Variants in BICD1 observed in about 807,000 individuals in gnomAD.
BICD1 encodes the protein BICD cargo adaptor 1.
A neutral mutation model predicts 92.5 loss-of-function variants in BICD1; 35 were observed. The observed-to-expected ratio is 0.38, with a 90% CI of 0.29 to 0.50. The LOEUF (loss-of-function observed/expected upper bound fraction) is 0.50. Ranked by LOEUF, BICD1 falls within the 20% of genes least tolerant of loss-of-function variation. The pLI is 0.93. For synonymous variants in BICD1, 429 were observed against 465.1 expected (o/e 0.92, Z 1.00); for missense variants, 950 against 1,189.8 (o/e 0.80, Z 2.97).
chr12:32,370,017 G>T (rs1447266747), intron 9 of BICD1, among the ~76,000 whole-genome samples: 1 of 152,184 alleles, frequency 6.6e-6, no homozygotes, highest in Non-Finnish European at 1.5e-5. Context: ...CAGCAACAGG[G>T]CTTTAAGAAA....
At position 32,244,273 on chromosome 12, in the gene BICD1, G is replaced by A. The variant is rs114791478; in HGVS notation, c.426+27814G>A. Among the ~76,000 whole-genome samples the A allele has an allele frequency of 1.0e-2, 1,520 of 152,190 alleles. 20 individuals carry two copies. Among genetic ancestry groups the A allele is most frequent in the African/African-American group, 0.027 (1,137 of 41,502 alleles). Reference sequence around the variant, plus strand: ...TCTGCTAATAGGTGCTCAGTATGACGGAGCTTTTCTTGAGGACCATTTGAC... The same window carrying A: ...TCTGCTAATAGGTGCTCAGTATGACAGAGCTTTTCTTGAGGACCATTTGAC... On this transcript the variant is annotated intron_variant, in intron 2 of 9. Coordinates refer to ENST00000652176, the MANE Select transcript of BICD1 (RefSeq NM_001714.4).
chr12:32,161,704 AT>A (rs973183217), intron 1 of BICD1, among the ~76,000 whole-genome samples: 1 of 152,208 alleles, frequency 6.6e-6, no homozygotes, highest in African/African-American at 2.4e-5. Flanking sequence ...AATTGAATTC[AT>A]ATAGTTATTT....
intron 4 of BICD1, among the ~76,000 whole-genome samples, chr12:32,317,232 TG>T: frequency 6.6e-6 from 1 of 152,342 alleles, no homozygotes; most frequent in East Asian, 1.9e-4. Context: ...AGTAATGGGA[TG>T]GCTGGGTCAA....
rs1265439959 is a variant in BICD1, at chr12:32,277,625, C to G, written c.427-16369C>G. On this transcript the variant is annotated intron_variant, in intron 2 of 9. Coordinates refer to ENST00000652176, the MANE Select transcript of BICD1 (RefSeq NM_001714.4). ...AGGTACCCTGTTAAAGCTTCAAAGACTCTGGATCAGAATGATCTCTGCTAT... is the reference window on the plus strand; with the variant it reads ...AGGTACCCTGTTAAAGCTTCAAAGAGTCTGGATCAGAATGATCTCTGCTAT... Among the ~76,000 whole-genome samples, 4 of 152,308 alleles carry G rather than the reference C, an allele frequency of 2.6e-5. No individual in the cohort carries two copies. In the East Asian group the frequency reaches 7.7e-4, roughly 29 times the overall value.
At chr12:32,218,581 G>A (rs948476615) in intron 2 of BICD1, among the ~76,000 whole-genome samples, 1 of 152,196 alleles carries the variant, frequency 6.6e-6, no homozygotes, top group Non-Finnish European at 1.5e-5. Flanking sequence ...AAATCAATTG[G>A]TTGTGATTCT....
Position 32,113,479 on chromosome 12 carries a change from T to C in BICD1, c.213+5935T>C, listed in dbSNP as rs76747390. Among the ~76,000 whole-genome samples, 100 of 152,060 alleles carry C rather than the reference T, an allele frequency of 6.6e-4. 1 individual carries two copies. In the East Asian group the frequency reaches 0.018, roughly 27 times the overall value. On this transcript the variant is annotated intron_variant, in intron 1 of 9. Transcript: ENST00000652176. ...TCACCGCAACCTTAACTAACCATCC[T>C]GGCTCAAGTGATCCTCCCATCTCAG... is the stretch of plus-strand genomic sequence containing the variant.
At chr12:32,229,340 A>G (rs1945799807) in intron 2 of BICD1, among the ~76,000 whole-genome samples, 1 of 152,180 alleles carries the variant, frequency 6.6e-6, no homozygotes, top group African/African-American at 2.4e-5. Flanking sequence ...CCAAGGGCAG[A>G]TATGTAGAGA....
rs78032128 is a variant in BICD1, at chr12:32,164,392, T to A, written c.214-51855T>A. The stretch of plus-strand genomic sequence containing the variant: ...ACTTAAAAATCAGTTCTTTCCACCC[T>A]GTAAACTGAAAATAAATCAGAATAT... On this transcript the variant is annotated intron_variant, in intron 1 of 9. Coordinates refer to ENST00000652176, the MANE Select transcript of BICD1 (RefSeq NM_001714.4). Among the ~76,000 whole-genome samples the A allele has an allele frequency of 2.1e-3, 318 of 152,336 alleles. 2 individuals carry two copies. Among genetic ancestry groups the A allele is most frequent in the African/African-American group, 7.3e-3 (305 of 41,578 alleles).
At chr12:32,304,146 G>C (rs1377379928) in intron 3 of BICD1, among the ~76,000 whole-genome samples, 3 of 152,094 alleles carry the variant, frequency 2.0e-5, no homozygotes, top group Non-Finnish European at 4.4e-5. Flanking sequence ...CATCAGCCAG[G>C]CTACATCCCA....
At chr12:32,295,445 A>G (rs1182029744) in intron 3 of BICD1, among the ~76,000 whole-genome samples, 1 of 152,050 alleles carries the variant, frequency 6.6e-6, no homozygotes, top group Non-Finnish European at 1.5e-5. Context: ...GCTAGGTTGG[A>G]CAGACACAAG....
At chr12:32,326,059 G>GGC (rs1158289526) in intron 4 of BICD1, among the ~76,000 whole-genome samples, 1 of 37,336 alleles carries the variant, frequency 2.7e-5, no homozygotes, top group Non-Finnish European at 5.9e-5. Context: ...CTCCAGCCTG[G>GGC]GAGAGAGTGA....
intron 8 of BICD1, among the ~76,000 whole-genome samples, chr12:32,342,142 G>GTATATATATGTGTGTA (rs1938393157): frequency 7.0e-6 from 1 of 143,542 alleles, no homozygotes; most frequent in Non-Finnish European, 1.5e-5. Context: ...ATATATGTGT[G>GTATATATATGTGTGTA]TATATATATG....
At chr12:32,176,218 T>G (rs544656574) in intron 1 of BICD1, among the ~76,000 whole-genome samples, 52 of 152,344 alleles carry the variant, frequency 3.4e-4, no homozygotes, top group African/African-American at 1.2e-3. Context: ...TGTGGACATA[T>G]GTTTTCATTT....
intron 2 of BICD1, among the ~76,000 whole-genome samples, chr12:32,246,261 T>G (rs540560344): frequency 7.0e-6 from 1 of 142,920 alleles, no homozygotes; most frequent in African/African-American, 2.6e-5. Context: ...GGATCACTTG[T>G]GACTGGGAGT....
intron 2 of BICD1, among the ~76,000 whole-genome samples, chr12:32,232,308 T>C (rs1945915974): frequency 6.6e-6 from 1 of 150,902 alleles, no homozygotes; most frequent in Non-Finnish European, 1.5e-5. Flanking sequence ...TATCTCACTG[T>C]GGTTTTGATT....
intron 2 of BICD1, among the ~76,000 whole-genome samples, chr12:32,278,004 C>A (rs1269046549): frequency 6.6e-6 from 1 of 152,150 alleles, no homozygotes; most frequent in Admixed American, 6.5e-5. Context: ...ACTAAAATTA[C>A]TTATAATCAA....
At chr12:32,192,463 T>C (rs1449910269) in intron 1 of BICD1, among the ~76,000 whole-genome samples, 5 of 147,034 alleles carry the variant, frequency 3.4e-5, no homozygotes, top group African/African-American at 1.1e-4. Context: ...AATAGATAGA[T>C]AGATAGATAG....
At chr12:32,371,102 G>A (rs912880449) in intron 9 of BICD1, among the ~76,000 whole-genome samples, 1 of 152,054 alleles carries the variant, frequency 6.6e-6, no homozygotes, top group South Asian at 2.1e-4. Flanking sequence ...TCTGTTCTGA[G>A]ATTAATAAAT....
chr12:32,258,855 G>A (rs770275860), intron 2 of BICD1, among the ~76,000 whole-genome samples: 22 of 152,222 alleles, frequency 1.4e-4, no homozygotes, highest in South Asian at 2.1e-4. Context: ...CATGAAAGTG[G>A]ACAAGGAGCG....
Sources: gnomAD v4.1 joint callset for allele counts (sites outside exome capture counted in the v4.1 genomes callset) on GRCh38, gnomAD v4.1.1 for gene constraint, MANE v1.5 for transcripts, NCBI Gene and HGNC (gene_info 2026-07-23, HGNC 2026-07-21) for gene names.